CHODL: variants seen among roughly 807,000 people sequenced by gnomAD.
CHODL encodes chondrolectin.
Under a neutral mutation model 34.5 loss-of-function variants are expected in CHODL, and 29 were observed. The observed-to-expected ratio is 0.84, with a 90% CI of 0.63 to 1.15. The LOEUF (loss-of-function observed/expected upper bound fraction) is 1.15, where lower values mean the gene tolerates loss of function less well. CHODL is among the 50% of genes most tolerant of loss of function. The pLI, the probability that CHODL is intolerant of heterozygous loss-of-function variation, is 0.00. For synonymous variants in CHODL, 125 were observed against 116.1 expected (o/e 1.08, Z -0.49); for missense variants, 332 against 332.5 (o/e 1.00, Z 0.01).
intron 2 of CHODL, among the ~76,000 whole-genome samples, chr21:18,032,194 T>C (rs2064255548): frequency 6.6e-6 from 1 of 152,108 alleles, no homozygotes; most frequent in Non-Finnish European, 1.5e-5. Flanking sequence ...TACTTGAAAA[T>C]TGCTAGGAGA....
chr21:18,069,965 T>A (rs1568870020), intron 2 of CHODL, among the ~76,000 whole-genome samples: 1 of 144,454 alleles, frequency 6.9e-6, no homozygotes, highest in Non-Finnish European at 1.5e-5. Flanking sequence ...CTTCCCTTCC[T>A]TTTCTTTCCC....
At position 18,256,721 on chromosome 21, in the gene CHODL, G is replaced by C; in HGVS notation, c.292G>C (p.Asp98His). 6.2e-7 allele frequency: 1 copy of C among 1,614,084 alleles called. No homozygotes were observed. Among genetic ancestry groups the C allele is most frequent in the Non-Finnish European group, 8.5e-7 (1 of 1,179,972 alleles). Residue 98 changes from aspartate to histidine, a missense_variant, in exon 2 of 6, where the codon GAT becomes CAT. By Grantham distance (81) the Asp-to-His change is moderately conservative. Coordinates refer to ENST00000299295, the MANE Select transcript of CHODL (RefSeq NM_024944.3). ...ACCCGGGACAGGGATTTCTGATGGT[G>C]ATTTCTGGATAGGGCTTTGGAGGAA... The part of the protein sequence containing the change: ...TKPGTGISDG[D>H]FWIGLWRNGD...
chr21:18,152,336 A>G (rs965147310), intron 2 of CHODL, among the ~76,000 whole-genome samples: 8 of 152,274 alleles, frequency 5.3e-5, no homozygotes, highest in African/African-American at 1.7e-4. Flanking sequence ...ACTATCACAA[A>G]CTTCATGGTT....
intron 2 of CHODL, among the ~76,000 whole-genome samples, chr21:18,186,271 C>T (rs894375820): frequency 2.4e-4 from 36 of 152,106 alleles, no homozygotes; most frequent in African/African-American, 8.0e-4. Context: ...AAGCTCATTC[C>T]TGAAGTGACC....
rs1179047761 is a variant in CHODL, at chr21:18,010,190, A to G, written c.-144-17682A>G. 2.4e-4 allele frequency among the ~76,000 whole-genome samples: 32 copies of G among 133,378 alleles called. No individual in the cohort carries two copies. In the East Asian group the frequency reaches 7.6e-3, roughly 32 times the overall value. The allele number at this position is 133,378 out of a possible 152,430, so 87.5% of individuals were successfully genotyped here. A position where few individuals can be genotyped will look rare whatever the true frequency, so the allele number is the denominator to read the frequency against. ...GCGGGCCCTGTAGTCCCAGCTACCC[A>G]GGAGGCTGAGACAGGAGAATGGCGG... On this transcript the variant is annotated intron_variant, in intron 1 of 6. Coordinates refer to the CHODL transcript ENST00000400127.
chr21:18,164,265 A>G (rs1270599011), intron 2 of CHODL, among the ~76,000 whole-genome samples: 2 of 152,226 alleles, frequency 1.3e-5, no homozygotes, highest in African/African-American at 4.8e-5. Context: ...GTAAATTCAT[A>G]TCTTCAGGAG....
At chr21:17,999,776 C>G (rs1467415350) in intron 1 of CHODL, among the ~76,000 whole-genome samples, 1 of 152,192 alleles carries the variant, frequency 6.6e-6, no homozygotes, top group African/African-American at 2.4e-5. Flanking sequence ...AGATACAATT[C>G]AAGCTGAGAT....
chr21:17,967,945 T>C (rs865961633), intron 1 of CHODL, among the ~76,000 whole-genome samples: 1 of 152,186 alleles, frequency 6.6e-6, no homozygotes, highest in Non-Finnish European at 1.5e-5. Flanking sequence ...AGTTCAATCT[T>C]GGTCCCTTCA....
chr21:18,145,418 C>A (rs1159762057), intron 2 of CHODL, among the ~76,000 whole-genome samples: 1 of 115,384 alleles, frequency 8.7e-6, no homozygotes, highest in Admixed American at 1.2e-4. Flanking sequence ...GCCTAGGGGA[C>A]GAGTGAGACT....
At chr21:18,019,019 A>G (rs1017902251) in intron 1 of CHODL, among the ~76,000 whole-genome samples, 1 of 152,210 alleles carries the variant, frequency 6.6e-6, no homozygotes, top group African/African-American at 2.4e-5. Flanking sequence ...TGACTTAGAA[A>G]AATCTACTGA....
At chr21:17,961,952 A>G (rs1906782310) in intron 1 of CHODL, among the ~76,000 whole-genome samples, 1 of 152,180 alleles carries the variant, frequency 6.6e-6, no homozygotes, top group Non-Finnish European at 1.5e-5. Context: ...CCACATCAAA[A>G]GGGCTTGAGA....
chr21:18,008,883 T>C (rs1446844327), intron 1 of CHODL, among the ~76,000 whole-genome samples: 1 of 152,188 alleles, frequency 6.6e-6, no homozygotes, highest in Non-Finnish European at 1.5e-5. Context: ...TTCATTCAAA[T>C]AGATAAAATG....
At chr21:17,989,075 G>C (rs1187649995) in intron 1 of CHODL, among the ~76,000 whole-genome samples, 1 of 152,194 alleles carries the variant, frequency 6.6e-6, no homozygotes, top group Non-Finnish European at 1.5e-5. Flanking sequence ...CTAGAATTGA[G>C]ATAAGGAATA....
At chr21:17,925,476 C>A (rs1406718948) in intron 1 of CHODL, among the ~76,000 whole-genome samples, 1 of 152,166 alleles carries the variant, frequency 6.6e-6, no homozygotes, top group Admixed American at 6.5e-5. Flanking sequence ...AATTAAATAA[C>A]TCATTGATTT....
At chr21:18,109,105 G>C (rs139761042) in intron 2 of CHODL, among the ~76,000 whole-genome samples, 2 of 152,232 alleles carry the variant, frequency 1.3e-5, no homozygotes, top group East Asian at 3.9e-4. Context: ...TGTAGCAGCA[G>C]TTTTTTAAGC....
In CHODL at chr21:18,256,645, G is replaced by T. The variant is rs2085294497; in HGVS notation, c.216G>T (p.Glu72Asp). ...ESEGGVLLSL[E>D]NEAEQKLIES... ...AGGGAGGAGTCCTCCTCAGCCTTGAGAATGAAGCAGAACAGAAGTTAATAG... is the reference window on the plus strand; with the variant it reads ...AGGGAGGAGTCCTCCTCAGCCTTGATAATGAAGCAGAACAGAAGTTAATAG... Residue 72 changes from glutamate to aspartate, a missense_variant, in exon 2 of 6, where the codon GAG (glutamate) becomes GAT (aspartate). Transcript: ENST00000299295. 5.0e-6 allele frequency: 8 copies of T among 1,614,090 alleles called. No individual in the cohort carries two copies. The highest frequency in any genetic ancestry group is 6.8e-6 in the Non-Finnish European group (8 of 1,180,012).
Position 17,954,885 on chromosome 21 carries a change from TTAAA to T in CHODL, c.-145+37487_-145+37490del, listed in dbSNP as rs1484336510. Reference sequence around the variant, plus strand: ...AATTCTTATATATTTATATTTTAAATTAAATCATATATTTTATATAATATCTATA... The same window carrying T: ...AATTCTTATATATTTATATTTTAAATTCATATATTTTATATAATATCTATA... On this transcript the variant is annotated intron_variant, in intron 1 of 6. Coordinates refer to the CHODL transcript ENST00000400127. Among the ~76,000 whole-genome samples the T allele has an allele frequency of 9.6e-5, 8 of 83,350 alleles. 1 individual carries two copies. Among genetic ancestry groups the T allele is most frequent in the East Asian group, 4.5e-4 (1 of 2,218 alleles). The allele number at this position is 83,350 out of a possible 152,430, so 54.7% of individuals were successfully genotyped here.
At chr21:18,098,362 G>GA (rs905191060) in intron 2 of CHODL, among the ~76,000 whole-genome samples, 45 of 148,898 alleles carry the variant, frequency 3.0e-4, no homozygotes, top group South Asian at 6.4e-4. Flanking sequence ...AACTCTATAG[G>GA]AAAAAAAAAT....
chr21:18,163,798 T>A lies in CHODL; in HGVS notation c.-44-92711T>A, dbSNP rs187595471. ...TCTCTCATGTACAGGTTTTCTGTGT[T>A]AAAAAAAAGGCTTTCACTATAAAGA... On this transcript the variant is annotated intron_variant, in intron 2 of 6. Transcript: ENST00000400127. Among the ~76,000 whole-genome samples, 479 of 151,930 alleles carry A rather than the reference T, an allele frequency of 3.2e-3. 2 individuals carry two copies. The highest frequency in any genetic ancestry group is 4.8e-3 in the Non-Finnish European group (327 of 67,940).
Sources: gnomAD v4.1 joint callset for allele counts (sites outside exome capture counted in the v4.1 genomes callset) on GRCh38, gnomAD v4.1.1 for gene constraint, MANE v1.5 for transcripts, NCBI Gene and HGNC (gene_info 2026-07-23, HGNC 2026-07-21) for gene names.